The following PUS10 variants were observed in gnomAD, a reference collection of about 807,000 sequenced individuals.
PUS10 encodes the protein tRNA pseudouridine synthase Pus10.
Under a neutral mutation model 75.0 loss-of-function variants are expected in PUS10, and 59 were observed. The ratio of observed to expected loss-of-function variants is 0.79; its 90% CI spans 0.64 to 0.98. The LOEUF is 0.98. Among genes scored for constraint, PUS10 ranks in the 50% least tolerant of loss-of-function variants. The pLI is 0.00. For missense variants in PUS10, 650 were observed against 614.4 expected, an observed-to-expected ratio of 1.06 and a Z score of -0.61; for synonymous variants, 219 against 211.6, an observed-to-expected ratio of 1.03 and a Z score of -0.30.
chr2:60,950,489 C>T (rs1675269045), intron 15 of PUS10, among the ~76,000 whole-genome samples: 1 of 152,180 alleles, frequency 6.6e-6, no homozygotes, highest in Non-Finnish European at 1.5e-5. Flanking sequence ...GCGATCTCAG[C>T]TCACTGCAAC....
chr2:60,976,750 A>G (rs758203541), intron 4 of PUS10, among the ~76,000 whole-genome samples: 3 of 152,224 alleles, frequency 2.0e-5, no homozygotes, highest in Non-Finnish European at 2.9e-5. Context: ...GGATTATTCA[A>G]TTGTTACCAC....
intron 3 of PUS10, 26 bp downstream of exon 3, chr2:61,008,735 C>T: frequency 6.7e-7 from 1 of 1,494,226 alleles, no homozygotes; most frequent in Non-Finnish European, 9.1e-7. Context: ...CATAATTGCA[C>T]CTATAATGAA....
At position 60,954,289 on chromosome 2, in the gene PUS10, C is replaced by CTA. The variant is rs1159239843; in HGVS notation, c.1058-132_1058-131insTA. The CTA allele has an allele frequency of 1.4e-5, 10 of 734,132 alleles. No individual in the cohort carries two copies. In the East Asian group the frequency reaches 2.7e-4, roughly 20 times the overall value. 45.5% of individuals were successfully genotyped at this position (734,132 alleles called of 1,614,324 possible). A position where few individuals can be genotyped will look rare whatever the true frequency, so the allele number is the denominator to read the frequency against. On this transcript the variant is annotated intron_variant, in intron 12 of 17. Transcript: ENST00000316752. ...GACTGAAAGTTTAGTGACATGACTA[C>CTA]ATCTGAGGGAGGGAAGAATGTGTGA...
chr2:61,007,948 G>A (rs1187045961), intron 3 of PUS10, among the ~76,000 whole-genome samples: 1 of 151,866 alleles, frequency 6.6e-6, no homozygotes, highest in Non-Finnish European at 1.5e-5. Flanking sequence ...TGGGTGGCGG[G>A]TGCCTGTAGT....
chr2:60,971,479 T>A lies in PUS10; in HGVS notation c.503+44A>T. 4 of 1,543,520 alleles carry A rather than the reference T, an allele frequency of 2.6e-6. No homozygotes were observed. In the South Asian group the frequency reaches 4.5e-5, roughly 17 times the overall value. ...AAAAGTGCTTTAAGAACCAGGTAGC[T>A]TGTATTTGAATGGTAGTAAAAATTC... On this transcript the variant is annotated intron_variant, in intron 5 of 17. Coordinates refer to ENST00000316752, the MANE Select transcript of PUS10 (RefSeq NM_144709.4).
At chr2:60,985,059 T>C (rs1192849740) in intron 4 of PUS10, among the ~76,000 whole-genome samples, 6 of 152,204 alleles carry the variant, frequency 3.9e-5, no homozygotes, top group Non-Finnish European at 8.8e-5. Context: ...AATGTAATAC[T>C]TGTGAATCCT....
At position 60,991,776 on chromosome 2, in the gene PUS10, T is replaced by C. The variant is rs1573479255; in HGVS notation, c.468+14781A>G. The stretch of plus-strand genomic sequence containing the variant: ...AATCCAAAAGAATTCTCATTATCCC[T>C]AATTCTGTTTAACAATGTACTAGCG... On this transcript the variant is annotated intron_variant, in intron 4 of 17. Transcript: ENST00000316752. Among the ~76,000 whole-genome samples the C allele has an allele frequency of 2.6e-5, 4 of 152,188 alleles. No homozygotes were observed. The South Asian group carries it at 6.2e-4, about 24-fold the overall frequency.
At chr2:60,993,223 GAGGC>G (rs1316599284) in intron 4 of PUS10, among the ~76,000 whole-genome samples, 1 of 152,202 alleles carries the variant, frequency 6.6e-6, no homozygotes, top group African/African-American at 2.4e-5. Flanking sequence ...TTGGAAGGCT[GAGGC>G]AGGCAGACCA....
intron 17 of PUS10, 87 bp downstream of exon 17, chr2:60,944,922 G>T: frequency 1.2e-6 from 1 of 860,824 alleles, no homozygotes. Context: ...TATGGAGGTG[G>T]GTGATACTAA....
rs1468248144 is a variant in PUS10, at chr2:60,953,119, A to T, written c.1191-5T>A. 1.4e-6 allele frequency: 2 copies of T among 1,469,878 alleles called. No individual in the cohort carries two copies. The highest frequency in any genetic ancestry group is 1.9e-6 in the Non-Finnish European group (2 of 1,062,252). The allele number at this position is 1,469,878 out of a possible 1,614,324, so 91.1% of individuals were successfully genotyped here. A position where few individuals can be genotyped will look rare whatever the true frequency, so the allele number is the denominator to read the frequency against. ...TTCATATGTCCTATTGCCTCTCTAA[A>T]CAAAAACAATTTTTAGAAGTTTGTC... On this transcript the variant is annotated splice_region_variant and splice_polypyrimidine_tract_variant and intron_variant, in intron 14 of 17. Coordinates refer to ENST00000316752, the MANE Select transcript of PUS10 (RefSeq NM_144709.4).
At chr2:61,016,987 C>T (rs1319670812) in intron 1 of PUS10, among the ~76,000 whole-genome samples, 1 of 152,090 alleles carries the variant, frequency 6.6e-6, no homozygotes, top group Non-Finnish European at 1.5e-5. Flanking sequence ...TAACCTCAAG[C>T]CTCAGTTTTC....
At chr2:60,998,189 A>G (rs1275043581) in intron 4 of PUS10, among the ~76,000 whole-genome samples, 1 of 152,200 alleles carries the variant, frequency 6.6e-6, no homozygotes, top group Non-Finnish European at 1.5e-5. Flanking sequence ...GAAATTACCA[A>G]TTAAAAAAGA....
chr2:60,973,356 G>A (rs1235032021), intron 4 of PUS10, among the ~76,000 whole-genome samples: 1 of 152,250 alleles, frequency 6.6e-6, no homozygotes, highest in Non-Finnish European at 1.5e-5. Context: ...AGGGACCCGG[G>A]AAGGCCCCCC....
At chr2:60,998,559 T>G (rs992670877) in intron 4 of PUS10, among the ~76,000 whole-genome samples, 2 of 151,968 alleles carry the variant, frequency 1.3e-5, no homozygotes, top group African/African-American at 2.4e-5. Context: ...TGTGGTGGCA[T>G]GCACCTGTAG....
intron 4 of PUS10, among the ~76,000 whole-genome samples, chr2:60,995,903 C>T (rs1271258621): frequency 6.6e-6 from 1 of 152,190 alleles, no homozygotes; most frequent in Admixed American, 6.5e-5. Flanking sequence ...GCTAGATGAG[C>T]CACAGCAACT....
chr2:60,999,156 C>G (rs1023715024), intron 4 of PUS10, among the ~76,000 whole-genome samples: 1 of 152,108 alleles, frequency 6.6e-6, no homozygotes, highest in African/African-American at 2.4e-5. Flanking sequence ...AAAGATGAAC[C>G]TAAAAACTAA....
In PUS10 at chr2:61,011,879, C is replaced by A; in HGVS notation, c.12G>T (p.Leu4=). ...GGGCCACATGCTTGTTTTCCTCAGT[C>A]AGTGGGAACATATTGAATAATTATA... MFP[L]TEENKHVAQL... The change falls in exon 2 of 18, where the codon CTG becomes CTT. Residue 4 remains leucine (L), a synonymous_variant. Transcript: ENST00000316752. The A allele has an allele frequency of 1.2e-6, 2 of 1,600,644 alleles. No individual in the cohort carries two copies. Among genetic ancestry groups the A allele is most frequent in the South Asian group, 2.3e-5 (2 of 87,578 alleles).
intron 4 of PUS10, among the ~76,000 whole-genome samples, chr2:61,004,432 T>C (rs1679064078): frequency 6.6e-6 from 1 of 151,790 alleles, no homozygotes; most frequent in Admixed American, 6.6e-5. Flanking sequence ...ATCAAGACCA[T>C]CCTGGCTAAC....
Position 61,006,527 on chromosome 2 carries a change from A to G in PUS10, c.468+30T>C. 3.4e-6 allele frequency: 5 copies of G among 1,455,224 alleles called. No homozygotes were observed. The South Asian group carries it at 3.5e-5, about 10-fold the overall frequency. The allele number at this position is 1,455,224 out of a possible 1,614,324, so 90.1% of individuals were successfully genotyped here. A position where few individuals can be genotyped will look rare whatever the true frequency, so the allele number is the denominator to read the frequency against. ...GAGAAATTCCTAGCATGCACTTCAC[A>G]TACAGTTTTATGCATGCAAATGACC... is the stretch of plus-strand genomic sequence containing the variant. On this transcript the variant is annotated intron_variant, in intron 4 of 17. Coordinates refer to ENST00000316752, the MANE Select transcript of PUS10 (RefSeq NM_144709.4).
Sources: gnomAD v4.1 joint callset for allele counts (sites outside exome capture counted in the v4.1 genomes callset) on GRCh38, gnomAD v4.1.1 for gene constraint, MANE v1.5 for transcripts, NCBI Gene and HGNC (gene_info 2026-07-23, HGNC 2026-07-21) for gene names.